The following GRM1 variants were observed in gnomAD, a reference collection of about 807,000 sequenced individuals.
GRM1 encodes the protein metabotropic glutamate receptor 1.
A neutral mutation model predicts 90.9 loss-of-function variants in GRM1; 33 were observed. The observed-to-expected ratio is 0.36, with a 90% CI of 0.28 to 0.49. GRM1 has a LOEUF of 0.49. GRM1 is among the 20% of genes least tolerant of loss of function. The pLI is 0.99. For synonymous variants in GRM1, 700 were observed against 613.2 expected, an observed-to-expected ratio of 1.14 and a Z score of -2.09; for missense variants, 1,190 against 1,534.3, an observed-to-expected ratio of 0.78 and a Z score of 3.75.
intron 2 of GRM1, among the ~76,000 whole-genome samples, chr6:146,184,787 A>T (rs1055408934): frequency 6.6e-6 from 1 of 152,204 alleles, no homozygotes; most frequent in Non-Finnish European, 1.5e-5. Context: ...ATGTAGCCTG[A>T]TGAAGCCTTC....
chr6:146,234,594 C>A (rs1376412548), intron 2 of GRM1, among the ~76,000 whole-genome samples: 3 of 151,846 alleles, frequency 2.0e-5, no homozygotes, highest in Non-Finnish European at 4.4e-5. Context: ...TAACAGGAAA[C>A]TTCCACTTCT....
At chr6:146,170,946 T>G (rs1317862626) in intron 2 of GRM1, among the ~76,000 whole-genome samples, 1 of 152,164 alleles carries the variant, frequency 6.6e-6, no homozygotes, top group Non-Finnish European at 1.5e-5. Flanking sequence ...TTATTGTTTA[T>G]ATTTTTTGTC....
At chr6:146,085,489 G>A (rs1274488467) in intron 1 of GRM1, among the ~76,000 whole-genome samples, 5 of 152,048 alleles carry the variant, frequency 3.3e-5, no homozygotes, top group African/African-American at 9.7e-5. Flanking sequence ...TAGATCACTC[G>A]TAAGTCTCTT....
intron 3 of GRM1, among the ~76,000 whole-genome samples, chr6:146,318,645 C>T (rs1454152165): frequency 1.3e-5 from 2 of 152,138 alleles, no homozygotes; most frequent in Non-Finnish European, 2.9e-5. Flanking sequence ...TCCTATTTCT[C>T]CACATCCTCT....
intron 2 of GRM1, among the ~76,000 whole-genome samples, chr6:146,228,309 G>A (rs1238350299): frequency 6.6e-6 from 1 of 152,186 alleles, no homozygotes; most frequent in Non-Finnish European, 1.5e-5. Context: ...GGTGTCTGGT[G>A]AGGGCCTTTG....
intron 1 of GRM1, among the ~76,000 whole-genome samples, chr6:146,125,195 C>A (rs563825282): frequency 6.6e-6 from 1 of 151,918 alleles, no homozygotes; most frequent in South Asian, 2.1e-4. Flanking sequence ...ATGGAGTAGA[C>A]GAAAATATCT....
intron 2 of GRM1, among the ~76,000 whole-genome samples, chr6:146,251,468 T>C (rs6928100): frequency 0.21 from 31,740 of 152,158 alleles, 7,322 homozygotes; most frequent in African/African-American, 0.58. Context: ...GATCATATAT[T>C]ATTCCATTTT....
chr6:146,100,045 AT>A (rs567578661), intron 1 of GRM1, among the ~76,000 whole-genome samples: 50 of 151,902 alleles, frequency 3.3e-4, no homozygotes, highest in African/African-American at 9.9e-4. Context: ...TTACTTTTGC[AT>A]TTTTTTTCCC....
At chr6:146,206,895 CAT>C (rs772652276) in intron 2 of GRM1, among the ~76,000 whole-genome samples, 2 of 152,112 alleles carry the variant, frequency 1.3e-5, no homozygotes, top group Non-Finnish European at 2.9e-5. Flanking sequence ...TAAATAAGAA[CAT>C]GTGGTATTTG....
chr6:146,159,033 C>T (rs1368599141), intron 1 of GRM1, among the ~76,000 whole-genome samples: 2 of 152,174 alleles, frequency 1.3e-5, no homozygotes, highest in African/African-American at 4.8e-5. Flanking sequence ...ATCTCTCCTA[C>T]GTGGTTAAAA....
intron 4 of GRM1, 117 bp downstream of exon 4, chr6:146,352,613 T>C: frequency 9.9e-7 from 1 of 1,005,094 alleles, no homozygotes; most frequent in Non-Finnish European, 1.6e-6. Flanking sequence ...TAGATACAAC[T>C]AGGTAGCAAA....
chr6:146,119,684 T>G (rs1775906264), intron 1 of GRM1, among the ~76,000 whole-genome samples: 1 of 152,246 alleles, frequency 6.6e-6, no homozygotes, highest in African/African-American at 2.4e-5. Flanking sequence ...CCAGCACCAT[T>G]TATTAAATAG....
At chr6:146,313,576 A>G (rs1324535411) in intron 3 of GRM1, among the ~76,000 whole-genome samples, 1 of 152,182 alleles carries the variant, frequency 6.6e-6, no homozygotes, top group African/African-American at 2.4e-5. Context: ...TGCTGGGAAA[A>G]TTCATATAAA....
At chr6:146,108,463 T>C (rs1562467880) in intron 1 of GRM1, among the ~76,000 whole-genome samples, 1 of 152,208 alleles carries the variant, frequency 6.6e-6, no homozygotes, top group African/African-American at 2.4e-5. Context: ...TCTTGTCTGC[T>C]GCCATTTGAA....
Position 146,194,295 on chromosome 6 carries a change from T to C in GRM1, c.950+34698T>C, listed in dbSNP as rs139342638. On this transcript the variant is annotated intron_variant, in intron 2 of 7. Coordinates refer to ENST00000282753, the MANE Select transcript of GRM1 (RefSeq NM_001278064.2). The stretch of plus-strand genomic sequence containing the variant: ...CACTAATGACATCTTCTTTGTTGTT[T>C]TTTTGCCAGTTCCCATGACACAAGC... Among the ~76,000 whole-genome samples the C allele has an allele frequency of 3.6e-3, 543 of 152,294 alleles. 1 individual carries two copies. Among genetic ancestry groups the C allele is most frequent in the African/African-American group, 0.012 (508 of 41,554 alleles).
chr6:146,161,963 G>A (rs780335406), intron 2 of GRM1, among the ~76,000 whole-genome samples: 5 of 152,168 alleles, frequency 3.3e-5, no homozygotes, highest in East Asian at 3.9e-4. Context: ...TCTCTTTATC[G>A]GGGATGGATT....
intron 2 of GRM1, among the ~76,000 whole-genome samples, chr6:146,184,316 A>G (rs1371627088): frequency 1.3e-5 from 2 of 152,122 alleles, no homozygotes; most frequent in African/African-American, 4.8e-5. Context: ...CCAACTTCCC[A>G]AACATGTTTA....
chr6:146,194,247 T>G (rs1477564361), intron 2 of GRM1, among the ~76,000 whole-genome samples: 3 of 152,164 alleles, frequency 2.0e-5, no homozygotes, highest in African/African-American at 7.2e-5. Flanking sequence ...ACCAGCTTTC[T>G]CCTTTTTAGA....
chr6:146,040,032 T>G (rs1012931638), intron 1 of GRM1, among the ~76,000 whole-genome samples: 1 of 151,892 alleles, frequency 6.6e-6, no homozygotes. Context: ...CCATGAAAAT[T>G]GATGGGATTG....
Sources: gnomAD v4.1 joint callset for allele counts (sites outside exome capture counted in the v4.1 genomes callset) on GRCh38, gnomAD v4.1.1 for gene constraint, MANE v1.5 for transcripts, NCBI Gene and HGNC (gene_info 2026-07-23, HGNC 2026-07-21) for gene names.